The following GLO1 variants were observed in gnomAD, a reference collection of about 807,000 sequenced individuals.
The protein encoded by GLO1 is glyoxalase I, also known as lactoylglutathione lyase.
In GLO1, 28 loss-of-function variants were observed where a neutral mutation model predicts 26.0. That is an observed-to-expected ratio of 1.08 (90% CI 0.80 to 1.48). The LOEUF (loss-of-function observed/expected upper bound fraction) is 1.48, where lower values mean the gene tolerates loss of function less well. Among genes scored for constraint, GLO1 ranks in the 40% most tolerant of loss-of-function variants. The pLI is 0.00. For synonymous variants in GLO1, 78 were observed against 77.6 expected, an observed-to-expected ratio of 1.00 and a Z score of -0.03; for missense variants, 225 against 224.8, an observed-to-expected ratio of 1.00 and a Z score of -0.01.
rs551350064 is a variant in GLO1, at chr6:38,680,129, G to T, written c.466+1883C>A. ...AAAGAAAATAGAAGAGTATTTTCAAGACTGAAGGAAATTAAACCTAGGCTT... is the reference window on the plus strand; with the variant it reads ...AAAGAAAATAGAAGAGTATTTTCAATACTGAAGGAAATTAAACCTAGGCTT... On this transcript the variant is annotated intron_variant, in intron 5 of 5. Transcript: ENST00000373365. Among the ~76,000 whole-genome samples the T allele has an allele frequency of 2.6e-5, 4 of 152,324 alleles. No homozygotes were observed. The South Asian group carries it at 6.2e-4, about 24-fold the overall frequency.
chr6:38,694,165 TAC>T (rs1352830696), intron 1 of GLO1, among the ~76,000 whole-genome samples: 1 of 152,224 alleles, frequency 6.6e-6, no homozygotes, highest in Non-Finnish European at 1.5e-5. Context: ...TGCTGAAGAA[TAC>T]ATCATTCCAT....
intron 1 of GLO1, among the ~76,000 whole-genome samples, chr6:38,701,910 A>G (rs999653566): frequency 6.6e-6 from 1 of 152,020 alleles, no homozygotes; most frequent in African/African-American, 2.4e-5. Context: ...TGGAATAAAC[A>G]GCGGTTACTG....
Position 38,677,197 on chromosome 6 carries a change from G to T in GLO1, c.*98C>A, listed in dbSNP as rs1367432363. 1.3e-6 allele frequency: 1 copy of T among 746,564 alleles called. No individual in the cohort carries two copies. 46.2% of individuals were successfully genotyped at this position (746,564 alleles called of 1,614,324 possible). On this transcript the variant is annotated 3_prime_UTR_variant, in exon 6 of 6. Coordinates refer to ENST00000373365, the MANE Select transcript of GLO1 (RefSeq NM_006708.3). ...TGGACTGAAGAATAATTTGAATCGGGACAGTGATCCATCAGTCCTAGATGC... is the reference window on the plus strand; with the variant it reads ...TGGACTGAAGAATAATTTGAATCGGTACAGTGATCCATCAGTCCTAGATGC...
intron 1 of GLO1, among the ~76,000 whole-genome samples, chr6:38,693,935 C>T (rs1254527251): frequency 6.6e-6 from 1 of 152,090 alleles, no homozygotes; most frequent in African/African-American, 2.4e-5. Context: ...TGGTCTCGAT[C>T]TCCTGACCTC....
intron 1 of GLO1, among the ~76,000 whole-genome samples, chr6:38,694,394 G>A (rs1004332397): frequency 1.5e-4 from 23 of 152,214 alleles, no homozygotes; most frequent in Admixed American, 2.6e-4. Context: ...AAAGAGGAGC[G>A]TTGGCTGGGC....
At chr6:38,679,404 C>A (rs1401866747) in intron 5 of GLO1, among the ~76,000 whole-genome samples, 1 of 152,152 alleles carries the variant, frequency 6.6e-6, no homozygotes, top group Non-Finnish European at 1.5e-5. Flanking sequence ...CTCAAGTGAT[C>A]CTCCCGAACC....
At chr6:38,686,122 G>A (rs1761457240) in intron 2 of GLO1, among the ~76,000 whole-genome samples, 2 of 152,180 alleles carry the variant, frequency 1.3e-5, no homozygotes, top group South Asian at 4.2e-4. Context: ...ACAAGAAACT[G>A]GACAGCAGTT....
intron 3 of GLO1, 61 bp downstream of exon 3, chr6:38,684,313 G>T: frequency 1.1e-6 from 1 of 891,260 alleles, no homozygotes; most frequent in Non-Finnish European, 1.5e-6. Context: ...AAACAAAAAA[G>T]ATTTTTAAAA....
At chr6:38,679,858 A>G (rs529113600) in intron 5 of GLO1, among the ~76,000 whole-genome samples, 25 of 152,238 alleles carry the variant, frequency 1.6e-4, no homozygotes, top group Middle Eastern at 3.4e-3. Context: ...ACAAGAACAT[A>G]TTAAGCAAAC....
At chr6:38,690,782 T>C (rs1419757302) in intron 1 of GLO1, among the ~76,000 whole-genome samples, 1 of 152,178 alleles carries the variant, frequency 6.6e-6, no homozygotes, top group African/African-American at 2.4e-5. Flanking sequence ...AATAGAGGCT[T>C]ATAAATCCTT....
intron 3 of GLO1, among the ~76,000 whole-genome samples, chr6:38,684,018 T>TG (rs976142265): frequency 6.6e-6 from 1 of 152,162 alleles, no homozygotes; most frequent in African/African-American, 2.4e-5. Context: ...GAGACCAGCC[T>TG]GGGCAACATA....
At chr6:38,694,698 G>A (rs1263048820) in intron 1 of GLO1, among the ~76,000 whole-genome samples, 1 of 151,672 alleles carries the variant, frequency 6.6e-6, no homozygotes, top group African/African-American at 2.4e-5. Context: ...AAAGAGCAGT[G>A]TTGAGGTCTC....
At chr6:38,688,867 T>C (rs1442372909) in intron 1 of GLO1, among the ~76,000 whole-genome samples, 1 of 152,232 alleles carries the variant, frequency 6.6e-6, no homozygotes, top group East Asian at 1.9e-4. Context: ...GGGATTAGCC[T>C]GGATTACTGA....
intron 1 of GLO1, among the ~76,000 whole-genome samples, chr6:38,689,451 G>A (rs928268869): frequency 6.6e-6 from 1 of 152,058 alleles, no homozygotes; most frequent in South Asian, 2.1e-4. Context: ...CTTTACCAAC[G>A]ACTTTATCAT....
intron 2 of GLO1, among the ~76,000 whole-genome samples, chr6:38,685,987 T>C (rs1471334473): frequency 4.6e-5 from 7 of 152,224 alleles, no homozygotes; most frequent in African/African-American, 1.7e-4. Flanking sequence ...CTCCTAAGAC[T>C]GGTGTGAAGA....
chr6:38,701,366 C>CTCCATGTGGTAT (rs11268732), intron 1 of GLO1, among the ~76,000 whole-genome samples: 4 of 151,640 alleles, frequency 2.6e-5, no homozygotes, highest in African/African-American at 4.8e-5. Flanking sequence ...CATTTTATGT[C>CTCCATGTGGTAT]TCCCATGGCC....
chr6:38,681,122 G>C (rs1032875422), intron 5 of GLO1, among the ~76,000 whole-genome samples: 14 of 152,162 alleles, frequency 9.2e-5, no homozygotes, highest in Non-Finnish European at 1.6e-4. Context: ...GGAGTGCAGT[G>C]GTGCGATCTT....
chr6:38,692,063 A>C (rs548143662), intron 1 of GLO1, among the ~76,000 whole-genome samples: 1 of 149,034 alleles, frequency 6.7e-6, no homozygotes, highest in East Asian at 2.0e-4. Flanking sequence ...TTTGCCTTTC[A>C]ATCTAGAATA....
chr6:38,692,759 C>T (rs12526879), intron 1 of GLO1, among the ~76,000 whole-genome samples: 1 of 151,192 alleles, frequency 6.6e-6, no homozygotes, highest in Admixed American at 6.6e-5. Context: ...TGAATTTTGT[C>T]AAATGCCTTT....
Sources: gnomAD v4.1 joint callset for allele counts (sites outside exome capture counted in the v4.1 genomes callset) on GRCh38, gnomAD v4.1.1 for gene constraint, MANE v1.5 for transcripts, NCBI Gene and HGNC (gene_info 2026-07-23, HGNC 2026-07-21) for gene names.